The following SUCLG2 variants were observed in gnomAD, a reference collection of about 807,000 sequenced individuals.
SUCLG2 encodes succinate--CoA ligase [GDP-forming] subunit beta, mitochondrial.
SUCLG2 carries 42 observed loss-of-function variants against 47.9 expected under a neutral mutation model. The observed-to-expected ratio is 0.88, with a 90% CI of 0.69 to 1.14. The LOEUF (loss-of-function observed/expected upper bound fraction) is 1.14, where lower values mean the gene tolerates loss of function less well. Among genes scored for constraint, SUCLG2 ranks in the 50% most tolerant of loss-of-function variants. SUCLG2 has a pLI of 0.00. For synonymous variants in SUCLG2, 195 were observed against 197.3 expected (o/e 0.99, Z 0.10); for missense variants, 571 against 525.9 (o/e 1.09, Z -0.84).
intron 2 of SUCLG2, among the ~76,000 whole-genome samples, chr3:67,567,048 G>A (rs1266274617): frequency 6.6e-6 from 1 of 152,040 alleles, no homozygotes; most frequent in East Asian, 1.9e-4. Flanking sequence ...GCTGCCCATG[G>A]TGGTGTGTGC....
chr3:67,360,646 T>C, exon 11 of SUCLG2: 1 of 1,511,434 alleles, frequency 6.6e-7, no homozygotes, highest in Non-Finnish European at 8.8e-7. Flanking sequence ...AAAAAAATGC[T>C]GATGGCACAC....
intron 9 of SUCLG2, among the ~76,000 whole-genome samples, chr3:67,402,505 T>G (rs1231234117): frequency 6.6e-6 from 1 of 152,258 alleles, no homozygotes; most frequent in Non-Finnish European, 1.5e-5. Flanking sequence ...GTAGGACAAC[T>G]GGTAAGCAGA....
intron 9 of SUCLG2, among the ~76,000 whole-genome samples, chr3:67,444,398 TCCGCCCGG>T (rs1703873252): frequency 5.4e-5 from 1 of 18,618 alleles, no homozygotes; most frequent in Non-Finnish European, 1.1e-4. Flanking sequence ...GGGTCAGCCC[TCCGCCCGG>T]CCAGCCGCCC....
intron 2 of SUCLG2, among the ~76,000 whole-genome samples, chr3:67,545,347 G>C (rs954427013): frequency 1.3e-5 from 2 of 152,152 alleles, no homozygotes; most frequent in African/African-American, 2.4e-5. Flanking sequence ...CAGAAGCCAG[G>C]AATGACCTAC....
intron 2 of SUCLG2, among the ~76,000 whole-genome samples, chr3:67,599,359 G>A (rs1419756725): frequency 6.6e-6 from 1 of 152,180 alleles, no homozygotes; most frequent in African/African-American, 2.4e-5. Context: ...AGGACAATGA[G>A]CGAAAGGTAA....
chr3:67,536,398 G>C (rs1432349867), intron 2 of SUCLG2, among the ~76,000 whole-genome samples: 1 of 152,094 alleles, frequency 6.6e-6, no homozygotes, highest in Non-Finnish European at 1.5e-5. Flanking sequence ...TCCTCTCTCA[G>C]ACCCTCCTCC....
intron 10 of SUCLG2, among the ~76,000 whole-genome samples, chr3:67,362,256 T>C (rs1022258749): frequency 6.6e-6 from 1 of 152,110 alleles, no homozygotes; most frequent in African/African-American, 2.4e-5. Context: ...CAGGACAGGA[T>C]CCTTGCACAT....
chr3:67,496,707 A>T (rs1454017713), intron 8 of SUCLG2, among the ~76,000 whole-genome samples: 1 of 152,176 alleles, frequency 6.6e-6, no homozygotes, highest in Middle Eastern at 3.2e-3. Context: ...TTTAATATCA[A>T]AAGTCTTGTT....
intron 2 of SUCLG2, among the ~76,000 whole-genome samples, chr3:67,593,363 T>C (rs1316098281): frequency 2.0e-5 from 3 of 151,612 alleles, no homozygotes; most frequent in African/African-American, 7.3e-5. Context: ...TCCTACCCTA[T>C]AGAATATTTG....
intron 9 of SUCLG2, among the ~76,000 whole-genome samples, chr3:67,469,218 T>C (rs2106979036): frequency 1.3e-5 from 2 of 152,316 alleles, no homozygotes. Flanking sequence ...GTGGTAAGCA[T>C]TTTGAGCTGT....
intron 10 of SUCLG2, among the ~76,000 whole-genome samples, chr3:67,365,481 T>C (rs1389387662): frequency 5.9e-5 from 9 of 152,202 alleles, no homozygotes; most frequent in African/African-American, 2.2e-4. Context: ...GAGTGACTAG[T>C]TATGACTTCA....
intron 9 of SUCLG2, among the ~76,000 whole-genome samples, chr3:67,481,135 T>G (rs1374089889): frequency 6.6e-6 from 1 of 152,258 alleles, no homozygotes; most frequent in Non-Finnish European, 1.5e-5. Flanking sequence ...CTTGTATTAT[T>G]ATAAAATGTA....
intron 6 of SUCLG2, chr3:67,514,316 C>T (rs1221523804): frequency 2.5e-6 from 1 of 402,468 alleles, no homozygotes; most frequent in Non-Finnish European, 5.0e-6. Flanking sequence ...TTTAACATCT[C>T]ATATTAAGTC....
chr3:67,473,869 C>T (rs1185581384), intron 9 of SUCLG2, among the ~76,000 whole-genome samples: 1 of 152,206 alleles, frequency 6.6e-6, no homozygotes, highest in Non-Finnish European at 1.5e-5. Flanking sequence ...CATGCCAGCT[C>T]AGCTCTTCTC....
intron 9 of SUCLG2, among the ~76,000 whole-genome samples, chr3:67,440,383 G>T (rs1020753305): frequency 5.3e-5 from 8 of 152,128 alleles, no homozygotes; most frequent in Non-Finnish European, 1.0e-4. Flanking sequence ...TGACAAATGG[G>T]ATCTAATCAA....
chr3:67,474,742 A>G (rs529789472), intron 9 of SUCLG2, among the ~76,000 whole-genome samples: 2 of 152,210 alleles, frequency 1.3e-5, no homozygotes, highest in Non-Finnish European at 2.9e-5. Context: ...TTGCAGTTTT[A>G]AAAAATGCCC....
intron 10 of SUCLG2, among the ~76,000 whole-genome samples, chr3:67,392,534 G>T (rs938456507): frequency 3.9e-5 from 6 of 152,026 alleles, no homozygotes; most frequent in African/African-American, 1.4e-4. Context: ...TGGCCCTTTG[G>T]GTTTTCATTT....
At chr3:67,521,738 G>A (rs1342454860) in intron 4 of SUCLG2, among the ~76,000 whole-genome samples, 1 of 151,716 alleles carries the variant, frequency 6.6e-6, no homozygotes, top group East Asian at 1.9e-4. Context: ...TCATGCTTCA[G>A]CCTCCCGAGT....
In SUCLG2 at chr3:67,609,566, T is replaced by C. The variant is rs1338094118; in HGVS notation, c.115A>G (p.Asn39Asp). The change falls in exon 2 of 11, where the codon AAC (asparagine) becomes GAC (aspartate). Residue 39 changes from asparagine (N) to aspartate (D), a missense_variant. By Grantham distance (23) the Asn-to-Asp change is conservative. Transcript: ENST00000307227. ...AVQLTSRRWL[N>D]LQEYQSKKLM... ...TTCTTGCTCTGGTATTCCTGCAGGTTCAGCCATCTTCTGGAGGTTAATTGA... is the reference window on the plus strand; with the variant it reads ...TTCTTGCTCTGGTATTCCTGCAGGTCCAGCCATCTTCTGGAGGTTAATTGA... 1.2e-6 allele frequency: 2 copies of C among 1,613,782 alleles called. No homozygotes were observed. Among genetic ancestry groups the C allele is most frequent in the Admixed American group, 3.3e-5 (2 of 59,980 alleles).
Sources: allele counts gnomAD v4.1 joint callset (sites outside exome capture counted in the v4.1 genomes callset), GRCh38; gene constraint gnomAD v4.1.1; transcripts MANE v1.5; gene names NCBI Gene and HGNC (gene_info 2026-07-23, HGNC 2026-07-21).